The following ANKRD6 variants were observed in gnomAD, a reference collection of about 807,000 sequenced individuals.
ANKRD6 encodes ankyrin repeat domain 6, also known as ankyrin repeat domain-containing protein 6.
In ANKRD6, 56 loss-of-function variants were observed where a neutral mutation model predicts 82.3. The observed-to-expected ratio is 0.68, with a 90% CI of 0.55 to 0.85. The LOEUF is 0.85. ANKRD6 is among the 40% of genes least tolerant of loss of function. The pLI is 0.00. For missense variants in ANKRD6, 852 were observed against 907.6 expected (o/e 0.94, Z 0.79); for synonymous variants, 347 against 352.1 (o/e 0.99, Z 0.16).
intron 1 of ANKRD6, among the ~76,000 whole-genome samples, chr6:89,503,085 G>A (rs925998323): frequency 1.3e-5 from 2 of 152,204 alleles, no homozygotes; most frequent in African/African-American, 4.8e-5. Context: ...GCCAGAACCA[G>A]AGGTAATCTG....
intron 3 of ANKRD6, chr6:89,601,678 A>G (rs747193285): frequency 6.6e-6 from 1 of 152,168 alleles, no homozygotes; most frequent in Non-Finnish European, 1.5e-5. Flanking sequence ...ATATTTACGT[A>G]TACGGTTCAG....
intron 1 of ANKRD6, among the ~76,000 whole-genome samples, chr6:89,517,349 C>A (rs1328492525): frequency 6.6e-6 from 1 of 152,176 alleles, no homozygotes; most frequent in African/African-American, 2.4e-5. Context: ...TGGTGGAATG[C>A]AGTTCTTTCT....
At chr6:89,586,800 A>G (rs1793789568) in intron 2 of ANKRD6, among the ~76,000 whole-genome samples, 1 of 152,210 alleles carries the variant, frequency 6.6e-6, no homozygotes, top group Admixed American at 6.5e-5. Context: ...TGGAATTCTT[A>G]ATACCCAGTT....
chr6:89,443,273 G>A (rs546675436), intron 1 of ANKRD6, among the ~76,000 whole-genome samples: 15 of 152,234 alleles, frequency 9.9e-5, no homozygotes, highest in African/African-American at 3.4e-4. Context: ...TGACCCGGGT[G>A]GGGGTGAAGA....
At chr6:89,471,935 A>G (rs796386812) in intron 1 of ANKRD6, among the ~76,000 whole-genome samples, 7 of 100,004 alleles carry the variant, frequency 7.0e-5, no homozygotes, top group African/African-American at 2.7e-4. Flanking sequence ...GCGAAACTCC[A>G]TCTCAAAAAA....
At chr6:89,597,347 G>T (rs1796135198) in intron 3 of ANKRD6, among the ~76,000 whole-genome samples, 1 of 152,184 alleles carries the variant, frequency 6.6e-6, no homozygotes, top group Admixed American at 6.5e-5. Flanking sequence ...AAAATACAAG[G>T]AGAGAGAAAA....
intron 1 of ANKRD6, among the ~76,000 whole-genome samples, chr6:89,530,351 G>A (rs920244132): frequency 6.6e-6 from 1 of 151,524 alleles, no homozygotes; most frequent in Non-Finnish European, 1.5e-5. Flanking sequence ...GTGCTGATAC[G>A]ACTTGCTCAA....
intron 1 of ANKRD6, among the ~76,000 whole-genome samples, chr6:89,515,470 T>C (rs1481030404): frequency 1.3e-5 from 2 of 152,238 alleles, no homozygotes; most frequent in Non-Finnish European, 2.9e-5. Context: ...TTGTTGAGCT[T>C]TTCTGGTTGT....
chr6:89,556,883 G>C (rs1323546114), intron 1 of ANKRD6, among the ~76,000 whole-genome samples: 1 of 152,148 alleles, frequency 6.6e-6, no homozygotes, highest in African/African-American at 2.4e-5. Context: ...TAAGAAATTT[G>C]CCCAAAGTAA....
intron 5 of ANKRD6, among the ~76,000 whole-genome samples, chr6:89,608,039 G>T (rs754641203): frequency 1.4e-4 from 21 of 152,212 alleles, no homozygotes; most frequent in Non-Finnish European, 2.6e-4. Flanking sequence ...CCAAAGTGTT[G>T]GGATTACAGG....
intron 1 of ANKRD6, among the ~76,000 whole-genome samples, chr6:89,516,288 A>G (rs1781200896): frequency 2.0e-5 from 3 of 152,132 alleles, no homozygotes; most frequent in African/African-American, 7.2e-5. Flanking sequence ...AAGAAGGTTG[A>G]CTTCTCCCTG....
chr6:89,616,133 T>G (rs1464001566), intron 7 of ANKRD6, among the ~76,000 whole-genome samples: 1 of 152,184 alleles, frequency 6.6e-6, no homozygotes, highest in African/African-American at 2.4e-5. Context: ...CTTCTCCTGC[T>G]CAATCCAGCA....
chr6:89,581,858 G>A (rs985849288), intron 2 of ANKRD6, among the ~76,000 whole-genome samples: 1 of 152,182 alleles, frequency 6.6e-6, no homozygotes, highest in Non-Finnish European at 1.5e-5. Context: ...GCAGTGCTTC[G>A]TTCTGCTCCG....
rs189578207 is a variant in ANKRD6 at position 89,463,697 on chromosome 6, C to T, written c.-144+30322C>T. 1.2e-3 allele frequency among the ~76,000 whole-genome samples: 176 copies of T among 151,964 alleles called. 3 individuals carry two copies. The highest frequency in any genetic ancestry group is 1.8e-3 in the Admixed American group (28 of 15,268). The stretch of plus-strand genomic sequence containing the variant: ...CCGAGTAGCTGGGATTACAGGTGCC[C>T]GCCACCATGCCCAGCTAATTTCTTT... On this transcript the variant is annotated intron_variant, in intron 1 of 15. Coordinates refer to ENST00000339746, the MANE Select transcript of ANKRD6 (RefSeq NM_001242809.2).
At chr6:89,560,226 A>G (rs1419389858) in intron 1 of ANKRD6, among the ~76,000 whole-genome samples, 1 of 152,172 alleles carries the variant, frequency 6.6e-6, no homozygotes, top group Admixed American at 6.5e-5. Context: ...TTCCAGTTCT[A>G]CTTTCCAGTT....
chr6:89,548,153 C>G (rs1785349928), intron 1 of ANKRD6, among the ~76,000 whole-genome samples: 1 of 152,236 alleles, frequency 6.6e-6, no homozygotes, highest in Admixed American at 6.5e-5. Context: ...AGAACATTTA[C>G]ATCACCCTAA....
chr6:89,497,908 G>T (rs1025776439), intron 1 of ANKRD6, among the ~76,000 whole-genome samples: 2 of 152,044 alleles, frequency 1.3e-5, no homozygotes, highest in Admixed American at 1.3e-4. Flanking sequence ...GCAACCATTG[G>T]TCCCCTTTCT....
At chr6:89,441,477 T>C (rs1254291423) in intron 1 of ANKRD6, among the ~76,000 whole-genome samples, 2 of 152,116 alleles carry the variant, frequency 1.3e-5, no homozygotes, top group African/African-American at 4.8e-5. Context: ...GTTAGCTGTC[T>C]ATCTTCCAGT....
intron 1 of ANKRD6, among the ~76,000 whole-genome samples, chr6:89,457,948 C>G (rs1397599501): frequency 6.6e-6 from 1 of 152,176 alleles, no homozygotes; most frequent in African/African-American, 2.4e-5. Flanking sequence ...AGTTTGGAGC[C>G]TTCACGAATG....
Sources: gnomAD v4.1 joint callset for allele counts (sites outside exome capture counted in the v4.1 genomes callset) on GRCh38, gnomAD v4.1.1 for gene constraint, MANE v1.5 for transcripts, NCBI Gene and HGNC (gene_info 2026-07-23, HGNC 2026-07-21) for gene names.